CMC1: variants seen among roughly 807,000 people sequenced by gnomAD.
CMC1 encodes the protein C-X9-C motif containing 1.
In CMC1, 14 loss-of-function variants were observed where a neutral mutation model predicts 14.1. The observed-to-expected ratio is 0.99, with a 90% CI of 0.66 to 1.55. CMC1 has a LOEUF of 1.55. Ranked by LOEUF, CMC1 falls within the 40% of genes most tolerant of loss-of-function variation. The pLI, the probability that CMC1 is intolerant of heterozygous loss-of-function variation, is 0.00. For missense variants in CMC1, 127 were observed against 123.8 expected, an observed-to-expected ratio of 1.03 and a Z score of -0.12; for synonymous variants, 50 against 38.4, an observed-to-expected ratio of 1.30 and a Z score of -1.12.
At chr3:28,297,542 A>T (rs1701795391) in intron 2 of CMC1, among the ~76,000 whole-genome samples, 1 of 152,102 alleles carries the variant, frequency 6.6e-6, no homozygotes, top group Non-Finnish European at 1.5e-5. Context: ...AATTGGAATA[A>T]CCACAAGTGT....
intron 2 of CMC1, among the ~76,000 whole-genome samples, chr3:28,297,873 T>G (rs1272981629): frequency 1.3e-5 from 2 of 151,956 alleles, no homozygotes; most frequent in African/African-American, 4.8e-5. Context: ...GCTTGCACTG[T>G]TCATGTATTT....
At chr3:28,304,994 G>T (rs1442510635) in intron 2 of CMC1, among the ~76,000 whole-genome samples, 1 of 152,068 alleles carries the variant, frequency 6.6e-6, no homozygotes, top group Non-Finnish European at 1.5e-5. Flanking sequence ...TGAGTATATT[G>T]TATAATGCAG....
At chr3:28,298,706 A>G (rs1559434694) in intron 2 of CMC1, among the ~76,000 whole-genome samples, 1 of 152,018 alleles carries the variant, frequency 6.6e-6, no homozygotes, top group Non-Finnish European at 1.5e-5. Flanking sequence ...TTTGAAGAGA[A>G]TTAAGAAATA....
At chr3:28,260,277 G>GGT (rs137892378) in intron 1 of CMC1, among the ~76,000 whole-genome samples, 10 of 144,292 alleles carry the variant, frequency 6.9e-5, no homozygotes, top group African/African-American at 2.3e-4. Context: ...GTGTAGATTT[G>GGT]GTGTGTGTGT....
intron 2 of CMC1, among the ~76,000 whole-genome samples, chr3:28,301,475 C>A (rs1702043756): frequency 6.6e-6 from 1 of 152,190 alleles, no homozygotes; most frequent in African/African-American, 2.4e-5. Context: ...CCTGCCTCAG[C>A]CTCCCAAAGT....
intron 1 of CMC1, among the ~76,000 whole-genome samples, chr3:28,258,690 G>T (rs933147292): frequency 7.0e-6 from 1 of 142,932 alleles, no homozygotes; most frequent in African/African-American, 2.7e-5. Context: ...TGAGATCTCA[G>T]CTCACTGCAA....
intron 1 of CMC1, among the ~76,000 whole-genome samples, chr3:28,261,261 A>C (rs1699722721): frequency 6.6e-6 from 1 of 152,022 alleles, no homozygotes; most frequent in South Asian, 2.1e-4. Context: ...ATTATCTCCC[A>C]TTCTTCATGC....
chr3:28,269,592 GTC>G (rs1166197468), intron 2 of CMC1, among the ~76,000 whole-genome samples: 1 of 150,926 alleles, frequency 6.6e-6, no homozygotes, highest in Admixed American at 6.6e-5. Context: ...TTGAAACCGA[GTC>G]TCTCTCTGTT....
intron 2 of CMC1, 132 bp downstream of exon 2, chr3:28,263,512 A>G: frequency 1.8e-6 from 1 of 547,410 alleles, no homozygotes; most frequent in Non-Finnish European, 3.2e-6. Context: ...TCGCTGAAAT[A>G]CCAGTATTTC....
At chr3:28,267,769 C>G (rs759549666) in intron 2 of CMC1, among the ~76,000 whole-genome samples, 2 of 152,162 alleles carry the variant, frequency 1.3e-5, no homozygotes, top group Non-Finnish European at 2.9e-5. Context: ...ACAATCAAGT[C>G]AAGAATGCTT....
chr3:28,248,544 G>A (rs60457049), intron 1 of CMC1, among the ~76,000 whole-genome samples: 4,817 of 152,258 alleles, frequency 0.032, 242 homozygotes, highest in African/African-American at 0.1. Flanking sequence ...ACTTGTCATA[G>A]GTCTCAAGGG....
intron 1 of CMC1, chr3:28,253,617 A>C: frequency 2.1e-6 from 1 of 473,304 alleles, no homozygotes; most frequent in Non-Finnish European, 3.6e-6. Context: ...CCCCCCAAAA[A>C]ACTCCCCCCA....
At chr3:28,278,445 G>C (rs1402117669) in intron 2 of CMC1, among the ~76,000 whole-genome samples, 1 of 152,052 alleles carries the variant, frequency 6.6e-6, no homozygotes, top group Non-Finnish European at 1.5e-5. Flanking sequence ...GTACAATTGT[G>C]GTGGTTCTAA....
Position 28,320,212 on chromosome 3 carries a change from T to C in CMC1, c.*583T>C, listed in dbSNP as rs537423573. ...TATTGGTAGTTACTGTTAGTAGTAG[T>C]AGAGGCTTATTTGGAAACTATCTTA... is the stretch of plus-strand genomic sequence containing the variant. On this transcript the variant is annotated 3_prime_UTR_variant, in exon 4 of 4. Transcript: ENST00000466830. The C allele has an allele frequency of 6.6e-6, 1 of 151,640 alleles. No homozygotes were observed. The highest frequency in any genetic ancestry group is 1.5e-5 in the Non-Finnish European group (1 of 67,756). The allele number at this position is 151,640 out of a possible 1,614,324, so 9.4% of individuals were successfully genotyped here. A position where few individuals can be genotyped will look rare whatever the true frequency, so the allele number is the denominator to read the frequency against.
rs1703169660 is a variant in CMC1, at chr3:28,320,956, A to C, written c.*1327A>C. 1 of 151,506 alleles carries C rather than the reference A, an allele frequency of 6.6e-6. No individual in the cohort carries two copies. The highest frequency in any genetic ancestry group is 1.5e-5 in the Non-Finnish European group (1 of 67,638). The allele number at this position is 151,506 out of a possible 1,614,324, so 9.4% of individuals were successfully genotyped here. A position where few individuals can be genotyped will look rare whatever the true frequency, so the allele number is the denominator to read the frequency against. ...TTACTACCCACTAAGACAAGGTTTA[A>C]CTTTCCCTAATCCCATGCAATAGAT... On this transcript the variant is annotated 3_prime_UTR_variant, in exon 4 of 4. Transcript: ENST00000466830.
intron 1 of CMC1, among the ~76,000 whole-genome samples, chr3:28,244,953 T>G (rs1160505564): frequency 1.3e-5 from 1 of 77,928 alleles, no homozygotes; most frequent in Non-Finnish European, 2.8e-5. Flanking sequence ...TGGAAGCCAG[T>G]TTTTTTTTTT....
chr3:28,294,125 T>C (rs1223110080), intron 2 of CMC1, among the ~76,000 whole-genome samples: 2 of 152,180 alleles, frequency 1.3e-5, no homozygotes, highest in Non-Finnish European at 1.5e-5. Flanking sequence ...TAGAAAGTGC[T>C]GTAACAGGAT....
In CMC1 at chr3:28,284,730, C is replaced by CTGTGTG. The variant is rs147368414; in HGVS notation, c.109+21368_109+21373dup. On this transcript the variant is annotated intron_variant, in intron 2 of 3. Transcript: ENST00000466830. ...TTTGGCTGTTTTTGTTGTTAGATTT[C>CTGTGTG]TGTGTGTGTGTGTGTGTGTGTGTTG... 1.8e-3 allele frequency among the ~76,000 whole-genome samples: 264 copies of CTGTGTG among 150,364 alleles called. 3 individuals are homozygous for CTGTGTG. Among genetic ancestry groups the CTGTGTG allele is most frequent in the African/African-American group, 5.7e-3 (234 of 41,058 alleles).
At chr3:28,306,327 G>A (rs533406931) in intron 2 of CMC1, among the ~76,000 whole-genome samples, 3 of 152,140 alleles carry the variant, frequency 2.0e-5, no homozygotes, top group East Asian at 3.9e-4. Context: ...AGCATGGGTT[G>A]TTTTTTCATT....
Sources: gnomAD v4.1 joint callset for allele counts (sites outside exome capture counted in the v4.1 genomes callset) on GRCh38, gnomAD v4.1.1 for gene constraint, MANE v1.5 for transcripts, NCBI Gene and HGNC (gene_info 2026-07-23, HGNC 2026-07-21) for gene names.